The following MYSM1 variants were observed in gnomAD, a reference collection of about 807,000 sequenced individuals.
The protein encoded by MYSM1 is Myb like, SWIRM and MPN domains 1, also known as deubiquitinase MYSM1.
In MYSM1, 51 loss-of-function variants were observed where a neutral mutation model predicts 116.0. The ratio of observed to expected loss-of-function variants is 0.44; its 90% CI spans 0.35 to 0.56. The LOEUF (loss-of-function observed/expected upper bound fraction) is 0.56. Among genes scored for constraint, MYSM1 ranks in the 20% least tolerant of loss-of-function variants. The pLI is 0.00. For missense variants in MYSM1, 900 were observed against 974.9 expected (o/e 0.92, Z 1.02); for synonymous variants, 313 against 315.2 (o/e 0.99, Z 0.07).
At chr1:58,693,726 T>C (rs1644933843) in intron 2 of MYSM1, among the ~76,000 whole-genome samples, 1 of 152,212 alleles carries the variant, frequency 6.6e-6, no homozygotes, top group African/African-American at 2.4e-5. Context: ...CCGTGAATGT[T>C]TCCTAACTGG....
At chr1:58,661,361 G>A (rs1417863651) in intron 18 of MYSM1, 45 bp downstream of exon 18, 6 of 1,342,796 alleles carry the variant, frequency 4.5e-6, no homozygotes, top group East Asian at 2.3e-5. Context: ...ATAATTTAAT[G>A]AGCAACACTG....
chr1:58,661,758 T>A (rs1644395822), intron 17 of MYSM1, among the ~76,000 whole-genome samples: 2 of 152,110 alleles, frequency 1.3e-5, no homozygotes, highest in African/African-American at 4.8e-5. Context: ...ATGACAATTC[T>A]ACGCATGGCA....
intron 1 of MYSM1, among the ~76,000 whole-genome samples, chr1:58,699,109 G>A (rs1378086244): frequency 6.6e-6 from 1 of 152,124 alleles, no homozygotes; most frequent in East Asian, 1.9e-4. Flanking sequence ...TCTGATTCCT[G>A]GCTAGTCTAG....
chr1:58,692,741 TA>T, intron 3 of MYSM1, 119 bp downstream of exon 3: 1 of 621,922 alleles, frequency 1.6e-6, no homozygotes, highest in South Asian at 2.6e-5. Flanking sequence ...TGAAATTATA[TA>T]ATAGCAGTCT....
At chr1:58,661,279 T>C in intron 18 of MYSM1, 52 bp from the exon 19 acceptor site, 1 of 1,449,744 alleles carries the variant, frequency 6.9e-7, no homozygotes, top group Non-Finnish European at 9.7e-7. Flanking sequence ...TATAAACTAA[T>C]CAGTTTCATA....
At chr1:58,661,112 A>G in intron 19 of MYSM1, 58 bp downstream of exon 19, 1 of 1,264,246 alleles carries the variant, frequency 7.9e-7, no homozygotes. Flanking sequence ...AAACACATTG[A>G]GATGAATAGC....
intron 7 of MYSM1, among the ~76,000 whole-genome samples, chr1:58,682,886 G>A (rs1407932213): frequency 6.6e-6 from 1 of 152,012 alleles, no homozygotes; most frequent in Non-Finnish European, 1.5e-5. Context: ...TAGTAGAGAT[G>A]GGGTTTCACC....
intron 7 of MYSM1, among the ~76,000 whole-genome samples, chr1:58,683,615 C>G (rs1289154032): frequency 6.6e-6 from 1 of 152,010 alleles, no homozygotes; most frequent in Non-Finnish European, 1.5e-5. Context: ...AAAATCCTTA[C>G]CTACGAAGTT....
chr1:58,682,656 A>G (rs1245487246), intron 7 of MYSM1, 111 bp from the exon 8 acceptor site: 1 of 977,180 alleles, frequency 1.0e-6, no homozygotes, highest in Non-Finnish European at 1.4e-6. Context: ...ATACATGTAA[A>G]TGGTACATTA....
At chr1:58,675,352 C>T (rs1644633957) in intron 10 of MYSM1, 125 bp downstream of exon 10, 1 of 676,868 alleles carries the variant, frequency 1.5e-6, no homozygotes. Context: ...TAAGGTGAAA[C>T]ACAAGAGGAA....
chr1:58,663,919 G>T (rs190546585), intron 17 of MYSM1, among the ~76,000 whole-genome samples: 1 of 152,022 alleles, frequency 6.6e-6, no homozygotes, highest in African/African-American at 2.4e-5. Flanking sequence ...AGGGTAATGT[G>T]GGGCTCTTTT....
At chr1:58,695,970 T>C (rs1029198649) in intron 1 of MYSM1, among the ~76,000 whole-genome samples, 8 of 152,232 alleles carry the variant, frequency 5.3e-5, no homozygotes, top group Admixed American at 5.2e-4. Context: ...TTTCTAGACC[T>C]TGTCTAGTGA....
chr1:58,676,737 G>T, intron 9 of MYSM1, 189 bp downstream of exon 9: 1 of 414,324 alleles, frequency 2.4e-6, no homozygotes, highest in Non-Finnish European at 4.0e-6. Flanking sequence ...TCAATTTTCA[G>T]TGTAGGTCAA....
intron 1 of MYSM1, 27 bp from the exon 2 acceptor site, chr1:58,695,234 T>C (rs780986976): frequency 1.4e-5 from 19 of 1,400,496 alleles, no homozygotes; most frequent in Admixed American, 1.7e-5. Context: ...AATGAGTATA[T>C]AAGTGAAAAT....
intron 3 of MYSM1, among the ~76,000 whole-genome samples, chr1:58,691,682 A>G (rs1030512982): frequency 6.6e-6 from 1 of 152,158 alleles, no homozygotes; most frequent in Non-Finnish European, 1.5e-5. Context: ...CCTGGCCAAC[A>G]TGGTGAAACC....
intron 3 of MYSM1, among the ~76,000 whole-genome samples, chr1:58,692,232 G>A (rs1397499632): frequency 6.6e-6 from 1 of 152,114 alleles, no homozygotes; most frequent in East Asian, 1.9e-4. Flanking sequence ...GGCTTAGTAA[G>A]GAGAAATCCA....
chr1:58,656,647 GAA>G lies in MYSM1; in HGVS notation c.*3348_*3349del, dbSNP rs952869879. 2.0e-5 allele frequency: 3 copies of G among 152,206 alleles called. No homozygotes were observed. The highest frequency in any genetic ancestry group is 7.2e-5 in the African/African-American group (3 of 41,438). 9.4% of individuals were successfully genotyped at this position (152,206 alleles called of 1,614,324 possible). On this transcript the variant is annotated 3_prime_UTR_variant, in exon 20 of 20. Coordinates refer to ENST00000472487, the MANE Select transcript of MYSM1 (RefSeq NM_001085487.3). Reference sequence around the variant, plus strand: ...TCAAGTCTATAGATCTATAACCGTGGAAACTGCAGTGCTCCTGGATGGAGTGG... The same window carrying G: ...TCAAGTCTATAGATCTATAACCGTGGACTGCAGTGCTCCTGGATGGAGTGG...
rs371863569 is a variant in MYSM1 at position 58,667,067 on chromosome 1, G to T, written c.2002C>A (p.Arg668=). The T allele has an allele frequency of 6.2e-7, 1 of 1,611,552 alleles. No homozygotes were observed. Among genetic ancestry groups the T allele is most frequent in the Non-Finnish European group, 8.5e-7 (1 of 1,178,486 alleles). Residue 668 remains arginine (R), a synonymous_variant, in exon 16 of 20, where the codon CGA becomes AGA. Transcript: ENST00000472487. ...TATTTAGCTTGTGTGTCAATATCTCGTAAGGAAGGATTAGGATCAAAAGCA... is the reference window on the plus strand; with the variant it reads ...TATTTAGCTTGTGTGTCAATATCTCTTAAGGAAGGATTAGGATCAAAAGCA... ...HPAFDPNPSL[R]DIDTQAKYQS... is the part of the protein sequence containing the mutation.
rs1456719555 is a variant in MYSM1, at chr1:58,659,527, A to G, written c.*470T>C. 1 of 152,206 alleles carries G rather than the reference A, an allele frequency of 6.6e-6. No homozygotes were observed. The highest frequency in any genetic ancestry group is 1.5e-5 in the Non-Finnish European group (1 of 68,042). 9.4% of individuals were successfully genotyped at this position (152,206 alleles called of 1,614,324 possible). ...ATTTATTAATCAGTAGTTCTAAACC[A>G]TATTAATTATCTCAGTGACCACCCA... On this transcript the variant is annotated 3_prime_UTR_variant, in exon 20 of 20. Transcript: ENST00000472487.
Sources: gnomAD v4.1 joint callset for allele counts (sites outside exome capture counted in the v4.1 genomes callset) on GRCh38, gnomAD v4.1.1 for gene constraint, MANE v1.5 for transcripts, NCBI Gene and HGNC (gene_info 2026-07-23, HGNC 2026-07-21) for gene names.